PKNOX2: variants seen among roughly 807,000 people sequenced by gnomAD.
PKNOX2 encodes homeobox protein PKNOX2.
A neutral mutation model predicts 53.1 loss-of-function variants in PKNOX2; 14 were observed. That is an observed-to-expected ratio of 0.26 (90% CI 0.17 to 0.41). The LOEUF is 0.41. PKNOX2 is among the 10% of genes least tolerant of loss of function. The probability of loss-of-function intolerance (pLI) is 1.00; values close to 1 mark genes in which losing one functional copy is unlikely to be tolerated. For synonymous variants in PKNOX2, 257 were observed against 242.8 expected (o/e 1.06, Z -0.54); for missense variants, 496 against 602.8 (o/e 0.82, Z 1.85).
At chr11:125,351,449 G>A in intron 4 of PKNOX2, 57 bp downstream of exon 4, 1 of 1,144,804 alleles carries the variant, frequency 8.7e-7, no homozygotes, top group Non-Finnish European at 1.3e-6. Flanking sequence ...GGTGGCCTTA[G>A]AGCCCCAGCT....
intron 1 of PKNOX2, among the ~76,000 whole-genome samples, chr11:125,178,848 A>T (rs1955973328): frequency 6.6e-6 from 1 of 152,104 alleles, no homozygotes; most frequent in Admixed American, 6.5e-5. Context: ...AACACTTGTG[A>T]TATGACCCAG....
At chr11:125,417,059 C>T (rs1290026571) in intron 10 of PKNOX2, among the ~76,000 whole-genome samples, 3 of 152,040 alleles carry the variant, frequency 2.0e-5, no homozygotes, top group Non-Finnish European at 2.9e-5. Context: ...CATTTTCTTG[C>T]TCTTGCATTT....
intron 2 of PKNOX2, among the ~76,000 whole-genome samples, chr11:125,243,654 GCT>G (rs1002470112): frequency 6.9e-6 from 1 of 145,814 alleles, no homozygotes; most frequent in Non-Finnish European, 1.5e-5. Context: ...ATAGGGTCTC[GCT>G]CTGTCGCCCA....
intron 2 of PKNOX2, among the ~76,000 whole-genome samples, chr11:125,312,233 C>T (rs1229160730): frequency 5.9e-5 from 9 of 152,146 alleles, no homozygotes; most frequent in Non-Finnish European, 8.8e-5. Flanking sequence ...TCAGTATGAT[C>T]GGGTCCCCGG....
intron 2 of PKNOX2, among the ~76,000 whole-genome samples, chr11:125,255,254 G>GGGTTC (rs1173038020): frequency 2.6e-5 from 4 of 152,202 alleles, no homozygotes; most frequent in Non-Finnish European, 5.9e-5. Flanking sequence ...CACCCAGTGA[G>GGGTTC]GGTTCTCTAT....
intron 10 of PKNOX2, among the ~76,000 whole-genome samples, chr11:125,428,775 T>G (rs887022976): frequency 3.3e-5 from 5 of 152,288 alleles, no homozygotes; most frequent in Non-Finnish European, 5.9e-5. Context: ...CTCCCCATTG[T>G]GGGGGCTTGG....
rs1188510418 is a variant in PKNOX2, at chr11:125,255,853, A to G, written c.-130+20738A>G. ...TCAGCATTCCAAATAAAGGTAATCA[A>G]TACTGAGATGGTCTCTACCCTTCCC... On this transcript the variant is annotated intron_variant, in intron 2 of 12. Transcript: ENST00000298282. Among the ~76,000 whole-genome samples, 5 of 151,728 alleles carry G rather than the reference A, an allele frequency of 3.3e-5. No individual in the cohort carries two copies. The East Asian group carries it at 9.7e-4, about 29-fold the overall frequency.
rs1260347331 is a variant in PKNOX2 at position 125,431,238 on chromosome 11, T to C, written c.1265T>C (p.Met422Thr). The change falls in exon 13 of 13, where the codon ATG (methionine) becomes ACG (threonine). Residue 422 changes from methionine (M) to threonine (T), a missense_variant. Met to Thr is a moderately conservative substitution (Grantham distance 81). This residue lies in a region of PKNOX2 where 139 missense variants were observed against 161.3 expected (regional missense o/e 0.86). Coordinates refer to ENST00000298282, the MANE Select transcript of PKNOX2 (RefSeq NM_001382323.2). ...SATMAMQQAM[M>T]AAHDDSLDGT... ...ACCATGGCCATGCAGCAGGCTATGA[T>C]GGCTGCACACGATGACTCATTGGAT... is the stretch of plus-strand genomic sequence containing the variant. The C allele has an allele frequency of 6.2e-7, 1 of 1,613,812 alleles. No homozygotes were observed. Among genetic ancestry groups the C allele is most frequent in the Admixed American group, 1.7e-5 (1 of 60,012 alleles).
intron 2 of PKNOX2, among the ~76,000 whole-genome samples, chr11:125,281,401 TC>T (rs2135852242): frequency 6.6e-6 from 1 of 152,350 alleles, no homozygotes; most frequent in South Asian, 2.1e-4. Flanking sequence ...TCTTAATTTA[TC>T]CCAGTGCTAG....
intron 2 of PKNOX2, among the ~76,000 whole-genome samples, chr11:125,252,324 G>A (rs960116855): frequency 1.3e-5 from 2 of 152,192 alleles, no homozygotes; most frequent in East Asian, 1.9e-4. Flanking sequence ...ACTCTGGAGA[G>A]TCTCGAAGGA....
At chr11:125,230,827 C>A (rs1942146572) in intron 1 of PKNOX2, among the ~76,000 whole-genome samples, 1 of 152,144 alleles carries the variant, frequency 6.6e-6, no homozygotes, top group Admixed American at 6.5e-5. Context: ...TTTAAAGGTG[C>A]TACTGTTAGC....
Position 125,335,441 on chromosome 11 carries a change from C to T in PKNOX2, c.-23+3516C>T, listed in dbSNP as rs1950385282. 2.0e-5 allele frequency among the ~76,000 whole-genome samples: 3 copies of T among 152,178 alleles called. No individual in the cohort carries two copies. In the South Asian group the frequency reaches 6.2e-4, roughly 32 times the overall value. On this transcript the variant is annotated intron_variant, in intron 3 of 12. Coordinates refer to ENST00000298282, the MANE Select transcript of PKNOX2 (RefSeq NM_001382323.2). ...GTGAATGAGGGAGGAGGACTAGAGG[C>T]TCTCCGAGGAGTCTTTCAGGCCTGA... is the stretch of plus-strand genomic sequence containing the variant.
intron 2 of PKNOX2, among the ~76,000 whole-genome samples, chr11:125,316,634 G>A (rs143737557): frequency 0.023 from 3,458 of 152,298 alleles, 131 homozygotes; most frequent in African/African-American, 0.078. Context: ...AGTCTATTAA[G>A]TGTGGAATAG....
In PKNOX2 at chr11:125,167,165, C is replaced by T. The variant is rs542885969; in HGVS notation, c.-201+2389C>T. Among the ~76,000 whole-genome samples the T allele has an allele frequency of 1.8e-3, 214 of 117,158 alleles. 1 individual carries two copies. Among genetic ancestry groups the T allele is most frequent in the African/African-American group, 7.0e-3 (209 of 29,890 alleles). 76.9% of individuals were successfully genotyped at this position (117,158 alleles called of 152,430 possible). On this transcript the variant is annotated intron_variant, in intron 1 of 12. Transcript: ENST00000298282. ...CCCGACCAGGGAGGTAGGTTATTCTCTGGGCATCTAGAGAAAGAGTGTGTG... is the reference window on the plus strand; with the variant it reads ...CCCGACCAGGGAGGTAGGTTATTCTTTGGGCATCTAGAGAAAGAGTGTGTG...
chr11:125,310,950 C>A (rs1948764555), intron 2 of PKNOX2, among the ~76,000 whole-genome samples: 2 of 152,068 alleles, frequency 1.3e-5, no homozygotes, highest in South Asian at 4.1e-4. Context: ...CTGCCTCAAT[C>A]CCTAATTTTT....
At chr11:125,174,768 G>T (rs1235813903) in intron 1 of PKNOX2, among the ~76,000 whole-genome samples, 1 of 152,170 alleles carries the variant, frequency 6.6e-6, no homozygotes, top group Non-Finnish European at 1.5e-5. Flanking sequence ...TCAGGCAGGA[G>T]AGCCTGGCAG....
chr11:125,271,634 G>A (rs924168093), intron 2 of PKNOX2, among the ~76,000 whole-genome samples: 2 of 152,104 alleles, frequency 1.3e-5, no homozygotes, highest in East Asian at 1.9e-4. Flanking sequence ...ACTGATTTCA[G>A]TTCTGTCTAG....
rs1591492344 is a variant in PKNOX2, at chr11:125,240,428, C to T, written c.-130+5313C>T. ...GAGAGGTGGCTATTTGGAGTCTTCT[C>T]CATAAACCTTTCTGGAGAGGAGCTG... On this transcript the variant is annotated intron_variant, in intron 2 of 12. Coordinates refer to ENST00000298282, the MANE Select transcript of PKNOX2 (RefSeq NM_001382323.2). This position sits in a 1 kb window ranked among gnomAD's most constrained non-coding sequence, Gnocchi z 4.3. Among the ~76,000 whole-genome samples the T allele has an allele frequency of 6.6e-6, 1 of 152,036 alleles. No homozygotes were observed. Among genetic ancestry groups the T allele is most frequent in the Non-Finnish European group, 1.5e-5 (1 of 68,014 alleles).
intron 5 of PKNOX2, among the ~76,000 whole-genome samples, chr11:125,379,324 A>G (rs896556249): frequency 1.3e-5 from 2 of 152,136 alleles, no homozygotes; most frequent in African/African-American, 4.8e-5. Flanking sequence ...AGCCTCCCAA[A>G]GCGCTGGGGA....
Sources: allele counts gnomAD v4.1 joint callset (sites outside exome capture counted in the v4.1 genomes callset), GRCh38; gene constraint gnomAD v4.1.1; regional missense constraint gnomAD v4.1.1; non-coding constraint Gnocchi (gnomAD v3.1); transcripts MANE v1.5; gene names NCBI Gene and HGNC (gene_info 2026-07-23, HGNC 2026-07-21).